The following SDR16C5 variants were observed in gnomAD, a reference collection of about 807,000 sequenced individuals.
SDR16C5 encodes short chain dehydrogenase/reductase family 16C member 5.
Under a neutral mutation model 27.7 loss-of-function variants are expected in SDR16C5, and 20 were observed. The observed-to-expected ratio is 0.72, with a 90% CI of 0.51 to 1.05. The LOEUF is 1.05. SDR16C5 is among the 50% of genes least tolerant of loss of function. The pLI, the probability that SDR16C5 is intolerant of heterozygous loss-of-function variation, is 0.00. For missense variants in SDR16C5, 374 were observed against 366.3 expected (o/e 1.02, Z -0.17); for synonymous variants, 139 against 132.3 (o/e 1.05, Z -0.35).
chr8:56,313,587 A>C (rs1815103958), intron 2 of SDR16C5, among the ~76,000 whole-genome samples: 1 of 152,260 alleles, frequency 6.6e-6, no homozygotes, highest in South Asian at 2.1e-4. Flanking sequence ...ATCATAGAAC[A>C]TTGGGACAGT....
At chr8:56,312,886 C>G (rs1247935780) in intron 2 of SDR16C5, among the ~76,000 whole-genome samples, 1 of 151,572 alleles carries the variant, frequency 6.6e-6, no homozygotes, top group Non-Finnish European at 1.5e-5. Flanking sequence ...CCACCATTCT[C>G]CCGCCTCAGC....
chr8:56,307,491 T>C (rs1418325054), intron 4 of SDR16C5, among the ~76,000 whole-genome samples: 2 of 152,246 alleles, frequency 1.3e-5, no homozygotes, highest in Non-Finnish European at 2.9e-5. Flanking sequence ...AGAAATGGCA[T>C]TGAGGTACAT....
At chr8:56,302,919 C>T (rs2129256353) in intron 6 of SDR16C5, among the ~76,000 whole-genome samples, 1 of 152,058 alleles carries the variant, frequency 6.6e-6, no homozygotes, top group East Asian at 1.9e-4. Flanking sequence ...GAGTTTGAGG[C>T]TGCTGTGGGC....
At chr8:56,309,565 C>G in intron 3 of SDR16C5, 4 of 985,110 alleles carry the variant, frequency 4.1e-6, no homozygotes, top group Non-Finnish European at 4.8e-6. Flanking sequence ...TGTCCAACAC[C>G]TTCACCCTTG....
Position 56,316,204 on chromosome 8 carries a change from A to G in SDR16C5, c.144T>C (p.Ala48=). The change falls in exon 2 of 7, where the codon GCT becomes GCC. Residue 48 remains alanine, a synonymous_variant. Transcript: ENST00000303749. ...CTAAGAGCCTTCCGAGTCCACTTCC[A>G]GCACCTGTGATGAGGACTATTTCAC... The part of the protein sequence containing the change: ...VAGEIVLITG[A]GSGLGRLLAL... 1 of 1,614,184 alleles carries G rather than the reference A, an allele frequency of 6.2e-7. No homozygotes were observed. Among genetic ancestry groups the G allele is most frequent in the Non-Finnish European group, 8.5e-7 (1 of 1,180,014 alleles).
chr8:56,319,178 G>A (rs999291310), intron 1 of SDR16C5, among the ~76,000 whole-genome samples: 1 of 149,644 alleles, frequency 6.7e-6, no homozygotes, highest in African/African-American at 2.5e-5. Context: ...CGGGGTGCAA[G>A]GGGTTGGGGA....
rs12675983 is a variant in SDR16C5 at position 56,301,747 on chromosome 8, C to T, written c.837-174G>A. On this transcript the variant is annotated intron_variant, in intron 6 of 6. Transcript: ENST00000303749. ...GTCACTGGGCCTTGTTCACTATATCCGGGGACACTCGCCCAGGGCCTTGAC... is the reference window on the plus strand; with the variant it reads ...GTCACTGGGCCTTGTTCACTATATCTGGGGACACTCGCCCAGGGCCTTGAC... 4.6e-5 allele frequency among the ~76,000 whole-genome samples: 7 copies of T among 152,072 alleles called. No individual in the cohort carries two copies. In the East Asian group the frequency reaches 5.8e-4, roughly 13 times the overall value.
At position 56,314,191 on chromosome 8, in the gene SDR16C5, G is replaced by A. The variant is rs191990978; in HGVS notation, c.333+1824C>T. 7.2e-3 allele frequency among the ~76,000 whole-genome samples: 887 copies of A among 123,096 alleles called. 5 individuals are homozygous for A. The highest frequency in any genetic ancestry group is 0.016 in the African/African-American group (527 of 33,126). 80.8% of individuals were successfully genotyped at this position (123,096 alleles called of 152,430 possible). On this transcript the variant is annotated intron_variant, in intron 2 of 6. Transcript: ENST00000303749. ...CACTGCACTCCAGCCTGGCGACAGAGCAAGACTCTGTCTCAAAAAAAAAAA... is the reference window on the plus strand; with the variant it reads ...CACTGCACTCCAGCCTGGCGACAGAACAAGACTCTGTCTCAAAAAAAAAAA...
intron 3 of SDR16C5, chr8:56,309,568 C>T (rs1814972420): frequency 3.0e-6 from 3 of 985,190 alleles, no homozygotes; most frequent in Non-Finnish European, 3.6e-6. Flanking sequence ...CCAACACCTT[C>T]ACCCTTGATT....
chr8:56,305,799 G>A, intron 5 of SDR16C5, 77 bp from the exon 6 acceptor site: 1 of 1,439,908 alleles, frequency 6.9e-7, no homozygotes, highest in Non-Finnish European at 9.3e-7. Context: ...TTCAAATTAG[G>A]GATAAAAGGT....
intron 4 of SDR16C5, among the ~76,000 whole-genome samples, chr8:56,308,444 T>C (rs1231986688): frequency 1.3e-5 from 2 of 152,180 alleles, no homozygotes; most frequent in African/African-American, 2.4e-5. Context: ...GCAAGGGAGA[T>C]GAAAATGCCC....
rs376777147 is a variant in SDR16C5, at chr8:56,316,157, C to G, written c.191G>C (p.Gly64Ala). 39 of 1,614,016 alleles carry G rather than the reference C, an allele frequency of 2.4e-5. No homozygotes were observed. Among genetic ancestry groups the G allele is most frequent in the African/African-American group, 4.0e-5 (3 of 74,914 alleles). The change falls in exon 2 of 7, where the codon GGA (glycine) becomes GCA (alanine). Residue 64 changes from glycine (G) to alanine (A), a missense_variant. By Grantham distance (60) the Gly-to-Ala change is moderately conservative (BLOSUM62 0). Transcript: ENST00000303749. Reference sequence around the variant, plus strand: ...GATATCCCAGAGAACAAGAACAGATCCCAGCCGGGCAAACTGCAAGGCTAA... The same window carrying G: ...GATATCCCAGAGAACAAGAACAGATGCCAGCCGGGCAAACTGCAAGGCTAA... ...RLLALQFARLGSVLVLWDINK... is the reference protein window; with the variant it reads ...RLLALQFARLASVLVLWDINK...
intron 3 of SDR16C5, among the ~76,000 whole-genome samples, chr8:56,310,141 G>A (rs1585913378): frequency 1.5e-5 from 1 of 66,496 alleles, no homozygotes. Flanking sequence ...GGAGGGAGGA[G>A]GAGGAGGAGG....
chr8:56,309,204 G>T (rs898653548), intron 3 of SDR16C5, 177 bp from the exon 4 acceptor site: 90 of 732,350 alleles, frequency 1.2e-4, no homozygotes, highest in Middle Eastern at 7.1e-4. Flanking sequence ...TATTTAACCT[G>T]TTAAATCAGT....
At chr8:56,313,067 C>A (rs181695822) in intron 2 of SDR16C5, among the ~76,000 whole-genome samples, 1 of 152,144 alleles carries the variant, frequency 6.6e-6, no homozygotes, top group Non-Finnish European at 1.5e-5. Context: ...TGAGCCACTG[C>A]GCCTGACCTC....
At chr8:56,311,602 C>T (rs534470137) in intron 3 of SDR16C5, among the ~76,000 whole-genome samples, 19 of 152,244 alleles carry the variant, frequency 1.2e-4, no homozygotes, top group East Asian at 9.7e-4. Context: ...GCTTTTAGCG[C>T]TGGTAGCAGG....
In SDR16C5 at chr8:56,316,110, T is replaced by G. The variant is rs772467202; in HGVS notation, c.238A>C (p.Thr80Pro). ...WDINKEGNEE[T>P]CKMAREAGAT... Reference sequence around the variant, plus strand: ...CCAGCTTCCCGAGCCATCTTACATGTTTCCTCATTCCCCTCCTTATTGATA... The same window carrying G: ...CCAGCTTCCCGAGCCATCTTACATGGTTCCTCATTCCCCTCCTTATTGATA... The change falls in exon 2 of 7, where the codon ACA becomes CCA. Residue 80 changes from threonine (T) to proline (P), a missense_variant. Physicochemically the swap from Thr to Pro is conservative, Grantham distance 38 (BLOSUM62 -1). Coordinates refer to ENST00000303749, the MANE Select transcript of SDR16C5 (RefSeq NM_138969.4). 14 of 1,614,014 alleles carry G rather than the reference T, an allele frequency of 8.7e-6. No homozygotes were observed. Among genetic ancestry groups the G allele is most frequent in the Middle Eastern group, 1.6e-4 (1 of 6,084 alleles).
chr8:56,312,212 CAGT>C lies in SDR16C5; in HGVS notation c.407_409del (p.Asp136_Cys137delinsGly), dbSNP rs770113227. 6.2e-7 allele frequency: 1 copy of C among 1,612,870 alleles called. No individual in the cohort carries two copies. The highest frequency in any genetic ancestry group is 1.7e-5 in the Admixed American group (1 of 60,024). On this transcript the variant is annotated inframe_deletion, in exon 3 of 7. Transcript: ENST00000303749. ...TGACTTTTCCATAAGCTCATCTGGA[CAGT>C]CAAGGAACTTTTTGCCTGTTACGAT...
At chr8:56,314,981 A>C (rs1035401925) in intron 2 of SDR16C5, among the ~76,000 whole-genome samples, 1 of 152,164 alleles carries the variant, frequency 6.6e-6, no homozygotes, top group Non-Finnish European at 1.5e-5. Flanking sequence ...ACAGTGGCTC[A>C]TGCCTGTAAT....
Sources: allele counts gnomAD v4.1 joint callset (sites outside exome capture counted in the v4.1 genomes callset), GRCh38; gene constraint gnomAD v4.1.1; transcripts MANE v1.5; gene names NCBI Gene and HGNC (gene_info 2026-07-23, HGNC 2026-07-21).